The following PNO1 variants were observed in gnomAD, a reference collection of about 807,000 sequenced individuals.
PNO1 encodes the protein partner of NOB1 homolog, also known as RNA-binding protein PNO1.
Under a neutral mutation model 28.4 loss-of-function variants are expected in PNO1, and 16 were observed. The ratio of observed to expected loss-of-function variants is 0.56; its 90% CI spans 0.38 to 0.85. The LOEUF is 0.85. PNO1 is among the 40% of genes least tolerant of loss of function. The pLI, the probability that PNO1 is intolerant of heterozygous loss-of-function variation, is 0.00. For synonymous variants in PNO1, 115 were observed against 110.8 expected (o/e 1.04, Z -0.24); for missense variants, 304 against 312.2 (o/e 0.97, Z 0.20).
At chr2:68,168,659 A>C (rs1674052021) in intron 5 of PNO1, among the ~76,000 whole-genome samples, 1 of 152,128 alleles carries the variant, frequency 6.6e-6, no homozygotes, top group Middle Eastern at 3.2e-3. Flanking sequence ...GGTCTTGTTT[A>C]CAATTTGATA....
intron 6 of PNO1, among the ~76,000 whole-genome samples, chr2:68,174,500 AT>A (rs1473781299): frequency 2.0e-5 from 3 of 152,118 alleles, no homozygotes; most frequent in African/African-American, 7.2e-5. Context: ...ATACAGTACT[AT>A]TTACATAGCA....
At position 68,158,055 on chromosome 2, in the gene PNO1, G is replaced by T; in HGVS notation, c.121G>T (p.Gly41Cys). 2 of 1,614,006 alleles carry T rather than the reference G, an allele frequency of 1.2e-6. No individual in the cohort carries two copies. Among genetic ancestry groups the T allele is most frequent in the Non-Finnish European group, 1.7e-6 (2 of 1,180,020 alleles). The change falls in exon 1 of 7, where the codon GGC (glycine) becomes TGC (cysteine). Residue 41 changes from glycine (G) to cysteine (C), a missense_variant. By Grantham distance (159) the Gly-to-Cys change is radical (BLOSUM62 -3). Transcript: ENST00000263657. ...TGAACAGCTGTCCGCAGCAGGAGAG[G>T]GCGGGGATGCGGGCCGCATGGACAC... ...QAEQLSAAGE[G>C]GDAGRMDTEE...
At chr2:68,163,596 A>AATCTATT (rs1178179050) in intron 5 of PNO1, among the ~76,000 whole-genome samples, 1 of 151,740 alleles carries the variant, frequency 6.6e-6, no homozygotes, top group Non-Finnish European at 1.5e-5. Flanking sequence ...TACTCAAGGG[A>AATCTATT]ATCTATTAAA....
intron 5 of PNO1, among the ~76,000 whole-genome samples, chr2:68,164,978 A>G (rs1246220046): frequency 6.6e-6 from 1 of 151,782 alleles, no homozygotes; most frequent in Non-Finnish European, 1.5e-5. Flanking sequence ...CCGAGTGTGT[A>G]CCACTTTGGC....
rs553499759 is a variant in PNO1, at chr2:68,157,974, G to T, written c.40G>T (p.Glu14Ter). 7 of 1,614,142 alleles carry T rather than the reference G, an allele frequency of 4.3e-6. No individual in the cohort carries two copies. Among genetic ancestry groups the T allele is most frequent in the Non-Finnish European group, 5.9e-6 (7 of 1,180,024 alleles). The change falls in exon 1 of 7, where the codon GAG becomes TAG. Residue 14 changes from glutamate (E) to a stop codon, truncating the protein, a stop_gained. Transcript: ENST00000263657. LOFTEE classifies it high-confidence loss of function. Reference sequence around the variant, plus strand: ...GGAAACGCAGAGCGCCAGGGCAGAGGAGGGCTTTACCCAGGTCACCCGCAA... The same window carrying T: ...GGAAACGCAGAGCGCCAGGGCAGAGTAGGGCTTTACCCAGGTCACCCGCAA... Reference protein sequence around the residue: ...EMETQSARAEEGFTQVTRKGG... With the variant: ...EMETQSARAE
chr2:68,158,497 T>C lies in PNO1; in HGVS notation c.325T>C (p.Phe109Leu), dbSNP rs1422930889. ...IVEHLGLQIRFNLKSRNVEIR... is the reference protein window; with the variant it reads ...IVEHLGLQIRLNLKSRNVEIR... ...GGAACATTTGGGACTTCAGATACGC[T>C]TTAACTTGAAATCAAGGAATGTAGA... Residue 109 changes from phenylalanine (F) to leucine (L), a missense_variant, in exon 2 of 7, where the codon TTT (phenylalanine) becomes CTT (leucine). Transcript: ENST00000263657. 3 of 1,613,148 alleles carry C rather than the reference T, an allele frequency of 1.9e-6. No homozygotes were observed. The highest frequency in any genetic ancestry group is 3.3e-5 in the Admixed American group (2 of 59,850).
intron 6 of PNO1, among the ~76,000 whole-genome samples, chr2:68,173,645 C>T (rs891236214): frequency 7.3e-6 from 1 of 136,812 alleles, no homozygotes; most frequent in Non-Finnish European, 1.5e-5. Context: ...TGCAGTGGTG[C>T]GATCTCGGCT....
chr2:68,163,536 AATAAATAC>A (rs1170602229), intron 5 of PNO1, among the ~76,000 whole-genome samples: 10 of 144,872 alleles, frequency 6.9e-5, no homozygotes, highest in African/African-American at 2.5e-4. Flanking sequence ...GTCTCAAATA[AATAAATAC>A]ATACATACAT....
rs1396242201 is a variant in PNO1 at position 68,174,835 on chromosome 2, G to C, written c.*33G>C. On this transcript the variant is annotated 3_prime_UTR_variant, in exon 7 of 7. Coordinates refer to ENST00000263657, the MANE Select transcript of PNO1 (RefSeq NM_020143.4). Reference sequence around the variant, plus strand: ...TCAGAGACTTTTTATCTTGCCTTTGGACTCTGGTGAAAAATACTTTACAGT... The same window carrying C: ...TCAGAGACTTTTTATCTTGCCTTTGCACTCTGGTGAAAAATACTTTACAGT... The C allele has an allele frequency of 4.3e-6, 6 of 1,406,842 alleles. No individual in the cohort carries two copies. Among genetic ancestry groups the C allele is most frequent in the Non-Finnish European group, 6.0e-6 (6 of 997,336 alleles). 87.1% of individuals were successfully genotyped at this position (1,406,842 alleles called of 1,614,324 possible). A position where few individuals can be genotyped will look rare whatever the true frequency, so the allele number is the denominator to read the frequency against.
chr2:68,166,427 AAATC>A (rs1480614599), intron 5 of PNO1, among the ~76,000 whole-genome samples: 2 of 152,180 alleles, frequency 1.3e-5, no homozygotes, highest in South Asian at 2.1e-4. Context: ...AAGGAAGAGA[AAATC>A]TATCTACTCT....
intron 2 of PNO1, chr2:68,161,434 CATATAG>C: frequency 2.1e-6 from 1 of 483,810 alleles, no homozygotes; most frequent in Admixed American, 3.3e-5. Context: ...AAAATCTGAT[CATATAG>C]TGCGGTTAGT....
intron 5 of PNO1, chr2:68,173,126 C>G (rs1312322693): frequency 4.6e-5 from 8 of 173,198 alleles, no homozygotes; most frequent in East Asian, 1.9e-4. Context: ...GGGTTTTGGT[C>G]TGTCACTCAG....
At chr2:68,158,164 C>G in intron 1 of PNO1, 23 bp downstream of exon 1, 1 of 1,561,416 alleles carries the variant, frequency 6.4e-7, no homozygotes, top group African/African-American at 1.4e-5. Context: ...GACCCTAGGA[C>G]AGCAACGAGG....
rs202238587 is a variant in PNO1 at position 68,158,073 on chromosome 2, A to G, written c.139A>G (p.Met47Val). The change falls in exon 1 of 7, where the codon ATG becomes GTG. Residue 47 changes from methionine (M) to valine (V), a missense_variant. Transcript: ENST00000263657. ...AAGEGGDAGRMDTEEARPAKR... is the reference protein window; with the variant it reads ...AAGEGGDAGRVDTEEARPAKR... ...AGGAGAGGGCGGGGATGCGGGCCGC[A>G]TGGACACAGAGGAGGCCAGGCCGGC... The G allele has an allele frequency of 4.4e-5, 71 of 1,613,602 alleles. No homozygotes were observed. The highest frequency in any genetic ancestry group is 4.3e-5 in the Non-Finnish European group (51 of 1,179,944).
chr2:68,158,638 G>C (rs2103661950), intron 2 of PNO1, 109 bp downstream of exon 2: 1 of 997,840 alleles, frequency 1.0e-6, no homozygotes, highest in South Asian at 1.9e-5. Flanking sequence ...TATGGTTTTT[G>C]TCCAGTTTAA....
rs923770789 is a variant in PNO1, at chr2:68,165,227, A to G, written c.620+2564A>G. On this transcript the variant is annotated intron_variant, in intron 5 of 6. Coordinates refer to ENST00000263657, the MANE Select transcript of PNO1 (RefSeq NM_020143.4). ...AAAATACAAAAAATTAGCCGGGCGTAGTGGCGGGCGCCTGTAGTCCCAGCT... is the reference window on the plus strand; with the variant it reads ...AAAATACAAAAAATTAGCCGGGCGTGGTGGCGGGCGCCTGTAGTCCCAGCT... Among the ~76,000 whole-genome samples, 14 of 150,954 alleles carry G rather than the reference A, an allele frequency of 9.3e-5. 1 individual carries two copies. The South Asian group carries it at 2.3e-3, about 25-fold the overall frequency.
chr2:68,158,590 G>A (rs1001317224), intron 2 of PNO1, 61 bp downstream of exon 2: 1 of 1,396,678 alleles, frequency 7.2e-7, no homozygotes, highest in East Asian at 2.3e-5. Flanking sequence ...GAGATGAAAA[G>A]GCATGAATAG....
At chr2:68,168,921 CTTTTTTTTTTTTTT>C (rs57701897) in intron 5 of PNO1, among the ~76,000 whole-genome samples, 7 of 72,474 alleles carry the variant, frequency 9.7e-5, no homozygotes, top group South Asian at 1.2e-3. Context: ...CAGCTTTTTT[CTTTTTTTTTTTTTT>C]TTTTTTTTTT....
At chr2:68,166,050 A>G (rs547382124) in intron 5 of PNO1, among the ~76,000 whole-genome samples, 1 of 152,350 alleles carries the variant, frequency 6.6e-6, no homozygotes, top group South Asian at 2.1e-4. Flanking sequence ...CTAGAAATTC[A>G]TATAAATGGA....
Sources: gnomAD v4.1 joint callset for allele counts (sites outside exome capture counted in the v4.1 genomes callset) on GRCh38, gnomAD v4.1.1 for gene constraint, MANE v1.5 for transcripts, NCBI Gene and HGNC (gene_info 2026-07-23, HGNC 2026-07-21) for gene names.